ZNF483: variants seen among roughly 807,000 people sequenced by gnomAD.
The protein encoded by ZNF483 is zinc finger protein 483.
Under a neutral mutation model 28.6 loss-of-function variants are expected in ZNF483, and 9 were observed. That is an observed-to-expected ratio of 0.32 (90% CI 0.19 to 0.55). The LOEUF is 0.55. ZNF483 is among the 20% of genes least tolerant of loss of function. The pLI is 0.93. For missense variants in ZNF483, 675 were observed against 871.7 expected, an observed-to-expected ratio of 0.77 and a Z score of 2.84; for synonymous variants, 322 against 306.2, an observed-to-expected ratio of 1.05 and a Z score of -0.54.
At chr9:111,575,770 G>T (rs1476058486) in intron 5 of ZNF483, among the ~76,000 whole-genome samples, 1 of 151,898 alleles carries the variant, frequency 6.6e-6, no homozygotes, top group African/African-American at 2.4e-5. Flanking sequence ...AGACCTGAAT[G>T]TAACAGCTAA....
At chr9:111,570,844 C>A (rs760589407) in intron 5 of ZNF483, among the ~76,000 whole-genome samples, 12 of 151,898 alleles carry the variant, frequency 7.9e-5, no homozygotes, top group Non-Finnish European at 1.8e-4. Flanking sequence ...AAGATGGACC[C>A]AATATAACAG....
Position 111,543,040 on chromosome 9 carries a change from G to T in ZNF483, c.2105G>T (p.Arg702Leu). 2 of 1,614,136 alleles carry T rather than the reference G, an allele frequency of 1.2e-6. No homozygotes were observed. The highest frequency in any genetic ancestry group is 1.7e-6 in the Non-Finnish European group (2 of 1,180,002). Residue 702 changes from arginine (R) to leucine (L), a missense_variant, in exon 6 of 6, where the codon CGA (arginine) becomes CTA (leucine). By Grantham distance (102) the Arg-to-Leu change is moderately radical (BLOSUM62 -2). Coordinates refer to ENST00000309235, the MANE Select transcript of ZNF483 (RefSeq NM_133464.5). Reference protein sequence around the residue: ...ECNYCGATFSRSSILVEHLKI... With the variant: ...ECNYCGATFSLSSILVEHLKI... The stretch of plus-strand genomic sequence containing the variant: ...AACTATTGTGGTGCAACCTTTAGTC[G>T]AAGCTCAATCCTTGTAGAACACCTA...
At chr9:111,569,431 C>T in intron 5 of ZNF483, among the ~76,000 whole-genome samples, 1 of 152,158 alleles carries the variant, frequency 6.6e-6, no homozygotes. Context: ...CCAAGTGAGG[C>T]TAAGAATCAA....
intron 5 of ZNF483, among the ~76,000 whole-genome samples, chr9:111,575,609 A>G (rs1829022262): frequency 6.6e-6 from 1 of 152,266 alleles, no homozygotes; most frequent in South Asian, 2.1e-4. Context: ...TTTAGGATCA[A>G]TTGGTTTTCT....
intron 3 of ZNF483, among the ~76,000 whole-genome samples, chr9:111,531,259 A>T (rs1382458074): frequency 6.6e-6 from 1 of 152,170 alleles, no homozygotes; most frequent in Non-Finnish European, 1.5e-5. Flanking sequence ...TTCCACATGC[A>T]ATTTTGTTTC....
chr9:111,526,253 G>T (rs571409979), intron 1 of ZNF483, among the ~76,000 whole-genome samples: 18 of 152,206 alleles, frequency 1.2e-4, no homozygotes, highest in Non-Finnish European at 1.9e-4. Context: ...CAAAGGCTAG[G>T]AGAGTATGTA....
chr9:111,530,783 A>AGGAGAAACTGACT (rs1564591176), intron 2 of ZNF483, 92 bp from the exon 3 acceptor site: 1 of 81,258 alleles, frequency 1.2e-5, no homozygotes, highest in African/African-American at 6.4e-5. Flanking sequence ...ATATATATAT[A>AGGAGAAACTGACT]TATATATATA....
At chr9:111,539,238 GA>G (rs1432117124) in intron 5 of ZNF483, among the ~76,000 whole-genome samples, 1 of 151,292 alleles carries the variant, frequency 6.6e-6, no homozygotes, top group African/African-American at 2.4e-5. Context: ...TTGTGAACAT[GA>G]AAAAAATGTT....
At chr9:111,555,482 G>A (rs73656264), downstream of ZNF483, among the ~76,000 whole-genome samples, 2,723 of 152,160 alleles carry the variant, frequency 0.018, 88 homozygotes, top group African/African-American at 0.062. Context: ...AACAATATGT[G>A]TATTAGTCTG....
exon 6 of ZNF483, chr9:111,577,435 T>C (rs545238381): frequency 6.6e-6 from 1 of 152,266 alleles, no homozygotes; most frequent in Admixed American, 6.5e-5. Context: ...GAAATTATCA[T>C]ATGACCCAGC....
rs1039540600 is a variant in ZNF483 at position 111,541,736 on chromosome 9, T to C, written c.801T>C (p.Tyr267=). The change falls in exon 6 of 6, where the codon TAT becomes TAC. Residue 267 remains tyrosine (Y), a synonymous_variant. Coordinates refer to ENST00000309235, the MANE Select transcript of ZNF483 (RefSeq NM_133464.5). ...DHGLMEESQQ[Y]CGSSEEDHGN... is the part of the protein sequence containing the mutation. ...GCTTGATGGAAGAATCCCAGCAATA[T>C]TGTGGCAGCTCAGAGGAGGATCACG... The C allele has an allele frequency of 2.5e-6, 4 of 1,614,030 alleles. No individual in the cohort carries two copies. Among genetic ancestry groups the C allele is most frequent in the Admixed American group, 3.3e-5 (2 of 60,002 alleles).
intron 5 of ZNF483, among the ~76,000 whole-genome samples, chr9:111,534,718 CT>C (rs67740162): frequency 0.24 from 21,194 of 87,334 alleles, 968 homozygotes; most frequent in Non-Finnish European, 0.31. Context: ...GTCGTTCTAT[CT>C]TTTTTTTTTT....
At position 111,542,398 on chromosome 9, in the gene ZNF483, C is replaced by A; in HGVS notation, c.1463C>A (p.Thr488Asn). The change falls in exon 6 of 6, where the codon ACT (threonine) becomes AAT (asparagine). Residue 488 changes from threonine to asparagine, a missense_variant. By Grantham distance (65) the Thr-to-Asn change is moderately conservative (BLOSUM62 0). Around this residue, in one of 6 missense-constraint regions of ZNF483, gnomAD observed 525 missense variants for 581.8 expected, o/e 0.90. Transcript: ENST00000309235. This position sits in a 1 kb window ranked among gnomAD's most constrained non-coding sequence, Gnocchi z 6.2. ...DSSSLTPHHR[T>N]HSGEKPFKCD... ...TCATCGCTCACACCACATCATAGAA[C>A]TCATAGTGGAGAGAAACCCTTCAAA... 6.2e-7 allele frequency: 1 copy of A among 1,613,824 alleles called. No individual in the cohort carries two copies. The highest frequency in any genetic ancestry group is 8.5e-7 in the Non-Finnish European group (1 of 1,179,970).
chr9:111,540,635 G>C (rs1827649629), intron 5 of ZNF483, among the ~76,000 whole-genome samples: 1 of 152,198 alleles, frequency 6.6e-6, no homozygotes, highest in African/African-American at 2.4e-5. Context: ...TAAAATGGAT[G>C]CCTGATTAGT....
Position 111,542,805 on chromosome 9 carries a change from TATC to T in ZNF483, c.1875_1877del (p.His625del). The T allele has an allele frequency of 6.2e-7, 1 of 1,614,092 alleles. No individual in the cohort carries two copies. The highest frequency in any genetic ancestry group is 1.3e-5 in the African/African-American group (1 of 75,050). Reference sequence around the variant, plus strand: ...TTTTAGCCATTTTACGTCTGTGATTTATCATCAAAGACTTCATTCAGGAGAAAA... The same window carrying T: ...TTTTAGCCATTTTACGTCTGTGATTTATCAAAGACTTCATTCAGGAGAAAA... On this transcript the variant is annotated inframe_deletion, in exon 6 of 6. Transcript: ENST00000309235. The surrounding 1 kb of genome is among the most constrained non-coding windows in gnomAD (Gnocchi z 6.2).
intron 5 of ZNF483, chr9:111,570,347 C>T (rs1828757032): frequency 1.4e-6 from 2 of 1,384,284 alleles, no homozygotes; most frequent in Non-Finnish European, 9.5e-7. Flanking sequence ...TCACTCCTTT[C>T]TGATCCACGG....
rs1437041596 is a variant in ZNF483, at chr9:111,541,949, C to T, written c.1014C>T (p.Pro338=). ...GGAGGTATAATGAAAGCAAGAAACC[C>T]TTCAGTTTTCATTCAGACCTTGTTC... ...KSRRYNESKK[P]FSFHSDLVLN... The change falls in exon 6 of 6, where the codon CCC becomes CCT. Residue 338 remains proline, a synonymous_variant. Transcript: ENST00000309235. 1.2e-6 allele frequency: 2 copies of T among 1,614,062 alleles called. No individual in the cohort carries two copies. Among genetic ancestry groups the T allele is most frequent in the Admixed American group, 1.7e-5 (1 of 60,014 alleles).
intron 3 of ZNF483, among the ~76,000 whole-genome samples, chr9:111,532,161 A>T (rs1589268656): frequency 6.6e-6 from 1 of 152,228 alleles, no homozygotes; most frequent in South Asian, 2.1e-4. Flanking sequence ...AATTTTAAAA[A>T]TTAGCTGGGC....
At chr9:111,563,159 T>G in intron 5 of ZNF483, 1 of 1,614,056 alleles carries the variant, frequency 6.2e-7, no homozygotes, top group Non-Finnish European at 8.5e-7. Context: ...TTATCTCCTT[T>G]CAGCATTCCC....
Sources: allele counts gnomAD v4.1 joint callset (sites outside exome capture counted in the v4.1 genomes callset), GRCh38; gene constraint gnomAD v4.1.1; regional missense constraint gnomAD v4.1.1; non-coding constraint Gnocchi (gnomAD v3.1); transcripts MANE v1.5; gene names NCBI Gene and HGNC (gene_info 2026-07-23, HGNC 2026-07-21).